The following RSF1 variants were observed in gnomAD, a reference collection of about 807,000 sequenced individuals.
RSF1 encodes the protein remodeling and spacing factor 1, also known as HBV pX-associated protein 8.
Under a neutral mutation model 145.2 loss-of-function variants are expected in RSF1, and 13 were observed. The observed-to-expected ratio is 0.09, with a 90% confidence interval of 0.06 to 0.14. The LOEUF is 0.14. RSF1 is among the 10% of genes least tolerant of loss of function. RSF1 has a pLI of 1.00. For missense variants in RSF1, 1,517 were observed against 1,718.2 expected (o/e 0.88, Z 2.07); for synonymous variants, 577 against 592.6 (o/e 0.97, Z 0.38).
chr11:77,690,886 C>A, intron 9 of RSF1: 1 of 438,208 alleles, frequency 2.3e-6, no homozygotes, highest in South Asian at 3.3e-5. Context: ...AGCAAGGTTG[C>A]GTTCAATAAA....
At chr11:77,870,284 T>C in the RSF1 span, among the ~76,000 whole-genome samples, 4 of 150,666 alleles carry the variant, frequency 2.7e-5, no homozygotes, top group African/African-American at 9.7e-5. Context: ...CCTCCCAAAA[T>C]GCTAGGATTA....
upstream of RSF1, among the ~76,000 whole-genome samples, chr11:77,821,689 C>A (rs1948911318): frequency 6.6e-6 from 1 of 151,366 alleles, no homozygotes; most frequent in African/African-American, 2.4e-5. Flanking sequence ...GGTGGAGCAG[C>A]GAAAAGTTTG....
intron 4 of RSF1, among the ~76,000 whole-genome samples, chr11:77,727,196 T>G (rs1471228048): frequency 6.6e-6 from 1 of 152,186 alleles, no homozygotes; most frequent in Non-Finnish European, 1.5e-5. Flanking sequence ...ACTTTATTTA[T>G]TTTTGGCAAA....
intron 5 of RSF1, among the ~76,000 whole-genome samples, chr11:77,717,214 TA>T (rs1960836984): frequency 7.6e-6 from 1 of 132,358 alleles, no homozygotes; most frequent in African/African-American, 2.8e-5. Flanking sequence ...CAATCTAGAA[TA>T]AAAAAATAAT....
chr11:77,783,971 C>A (rs1486215940), intron 1 of RSF1, among the ~76,000 whole-genome samples: 1 of 152,176 alleles, frequency 6.6e-6, no homozygotes, highest in African/African-American at 2.4e-5. Flanking sequence ...TGGCAAAGGA[C>A]AAACATACAA....
chr11:77,757,132 G>A (rs1020007730), intron 2 of RSF1, among the ~76,000 whole-genome samples: 1 of 152,186 alleles, frequency 6.6e-6, no homozygotes, highest in African/African-American at 2.4e-5. Flanking sequence ...AAGCTCATTT[G>A]AGAAAGAAAA....
the RSF1 span, among the ~76,000 whole-genome samples, chr11:77,833,146 A>G: frequency 4.0e-5 from 6 of 150,596 alleles, no homozygotes; most frequent in Admixed American, 6.7e-5. Context: ...AGTAGCTGGG[A>G]CTACAGGCAT....
Position 77,664,225 on chromosome 11 carries a change from A to C in RSF1, c.*2692T>G, listed in dbSNP as rs1332933842. The C allele has an allele frequency of 1.3e-5, 2 of 152,232 alleles. No homozygotes were observed. Among genetic ancestry groups the C allele is most frequent in the Non-Finnish European group, 2.9e-5 (2 of 68,044 alleles). The allele number at this position is 152,232 out of a possible 1,614,324, so 9.4% of individuals were successfully genotyped here. On this transcript the variant is annotated 3_prime_UTR_variant, in exon 16 of 16. Coordinates refer to ENST00000308488, the MANE Select transcript of RSF1 (RefSeq NM_016578.4). ...CACTGCTCAAAATTTAATAATCAAT[A>C]ATCTATCTGCCTAATAATGTTTTAT...
At chr11:77,757,494 A>G (rs1180994864) in intron 2 of RSF1, among the ~76,000 whole-genome samples, 1 of 152,192 alleles carries the variant, frequency 6.6e-6, no homozygotes, top group African/African-American at 2.4e-5. Context: ...CCTGGCCAAC[A>G]TGGTGAAACC....
At chr11:77,687,200 C>T (rs1361470296) in intron 9 of RSF1, among the ~76,000 whole-genome samples, 5 of 152,072 alleles carry the variant, frequency 3.3e-5, no homozygotes, top group African/African-American at 1.2e-4. Flanking sequence ...TACTTGTATT[C>T]TAGGAACTAT....
intron 1 of RSF1, among the ~76,000 whole-genome samples, chr11:77,766,148 A>G (rs1948223178): frequency 6.7e-6 from 1 of 148,238 alleles, no homozygotes; most frequent in Admixed American, 6.9e-5. Flanking sequence ...CAAAAAAAAA[A>G]AAGTTGTTTT....
intron 4 of RSF1, among the ~76,000 whole-genome samples, chr11:77,728,534 G>T: frequency 6.7e-6 from 1 of 149,902 alleles, no homozygotes; most frequent in African/African-American, 2.5e-5. Flanking sequence ...GGAAAGGAAA[G>T]GGGAAAGGGA....
rs138409365 is a variant in RSF1, at chr11:77,708,971, C to A, written c.734-6476G>T. Among the ~76,000 whole-genome samples the A allele has an allele frequency of 4.8e-3, 738 of 152,288 alleles. 7 individuals are homozygous for A. The highest frequency in any genetic ancestry group is 0.017 in the African/African-American group (709 of 41,568). The stretch of plus-strand genomic sequence containing the variant: ...TAGTGAAAAAGGAGTCATTGACAAT[C>A]AAATATTAAATGAATAAATAAAATT... On this transcript the variant is annotated intron_variant, in intron 5 of 15. Coordinates refer to ENST00000308488, the MANE Select transcript of RSF1 (RefSeq NM_016578.4).
Position 77,679,386 on chromosome 11 carries a change from AAT to A in RSF1, c.3066-1235_3066-1234del, listed in dbSNP as rs1959797886. On this transcript the variant is annotated intron_variant, in intron 11 of 15. Transcript: ENST00000308488. ...TCCATAAATACTATTAAGTCCTAAT[AAT>A]ATGTCTGGGCACAGTGGCTTACATC... is the stretch of plus-strand genomic sequence containing the variant. Among the ~76,000 whole-genome samples the A allele has an allele frequency of 3.3e-5, 5 of 152,330 alleles. No homozygotes were observed. The South Asian group carries it at 1.0e-3, about 32-fold the overall frequency.
chr11:77,667,495 G>T lies in RSF1; in HGVS notation c.3752-4C>A. 1 of 1,602,502 alleles carries T rather than the reference G, an allele frequency of 6.2e-7. No individual in the cohort carries two copies. Among genetic ancestry groups the T allele is most frequent in the Non-Finnish European group, 8.5e-7 (1 of 1,175,694 alleles). The stretch of plus-strand genomic sequence containing the variant: ...GAGTTCTTGGACAAATAGCTCTCTA[G>T]AATAAACAGCACATTTAAGCCATTG... On this transcript the variant is annotated splice_region_variant and splice_polypyrimidine_tract_variant and intron_variant, in intron 15 of 15. Coordinates refer to ENST00000308488, the MANE Select transcript of RSF1 (RefSeq NM_016578.4).
chr11:77,786,020 A>G (rs373272493), intron 1 of RSF1, among the ~76,000 whole-genome samples: 1 of 150,574 alleles, frequency 6.6e-6, no homozygotes, highest in Non-Finnish European at 1.5e-5. Flanking sequence ...TCTGCATATC[A>G]TATCGTATAG....
the RSF1 span, among the ~76,000 whole-genome samples, chr11:77,858,299 ATTCTTTTTTTTT>A: frequency 1.1e-5 from 1 of 91,556 alleles, no homozygotes; most frequent in Non-Finnish European, 2.3e-5. Flanking sequence ...CGTTTAAGCA[ATTCTTTTTTTTT>A]TTTTTTTTTT....
intron 1 of RSF1, among the ~76,000 whole-genome samples, chr11:77,773,876 T>A (rs1191168201): frequency 6.6e-6 from 1 of 152,204 alleles, no homozygotes; most frequent in Non-Finnish European, 1.5e-5. Flanking sequence ...TCCCAAATGC[T>A]GATAATTAAG....
intron 11 of RSF1, among the ~76,000 whole-genome samples, chr11:77,678,390 T>C (rs867054523): frequency 4.3e-4 from 66 of 152,082 alleles, no homozygotes; most frequent in African/African-American, 1.4e-3. Flanking sequence ...CTAATTTTTG[T>C]ACTTTTAGTA....
Sources: gnomAD v4.1 joint callset for allele counts (sites outside exome capture counted in the v4.1 genomes callset) on GRCh38, gnomAD v4.1.1 for gene constraint, MANE v1.5 for transcripts, NCBI Gene and HGNC (gene_info 2026-07-23, HGNC 2026-07-21) for gene names.